Variants in PLEKHG1 observed in about 807,000 individuals in gnomAD.
PLEKHG1 encodes the protein pleckstrin homology and RhoGEF domain containing G1.
In PLEKHG1, 44 loss-of-function variants were observed where a neutral mutation model predicts 100.8. The observed-to-expected ratio is 0.44, with a 90% CI of 0.34 to 0.56. The LOEUF (loss-of-function observed/expected upper bound fraction) is 0.56. Among genes scored for constraint, PLEKHG1 ranks in the 20% least tolerant of loss-of-function variants. The pLI is 0.01. For synonymous variants in PLEKHG1, 640 were observed against 662.5 expected, an observed-to-expected ratio of 0.97 and a Z score of 0.52; for missense variants, 1,545 against 1,720.9, an observed-to-expected ratio of 0.90 and a Z score of 1.81.
At chr6:150,809,122 C>T (rs1376240313) in exon 8 of PLEKHG1, 4 of 1,613,756 alleles carry the variant, frequency 2.5e-6, no homozygotes, top group African/African-American at 2.7e-5. Flanking sequence ...AGAGTTTGCT[C>T]ACTAACTGGA....
chr6:150,825,559 G>A (rs1227312893), intron 14 of PLEKHG1, among the ~76,000 whole-genome samples: 1 of 151,980 alleles, frequency 6.6e-6, no homozygotes, highest in Non-Finnish European at 1.5e-5. Context: ...GCAACAGAGT[G>A]AGATTCTGTC....
chr6:150,823,614 T>C (rs200396851), intron 13 of PLEKHG1, 40 bp from the exon 15 acceptor site: 5 of 1,463,622 alleles, frequency 3.4e-6, no homozygotes, highest in Non-Finnish European at 4.8e-6. Flanking sequence ...AGGAGGTACA[T>C]TTTCATTCTC....
At chr6:150,747,019 T>G (rs1783201933) in intron 2 of PLEKHG1, among the ~76,000 whole-genome samples, 1 of 152,240 alleles carries the variant, frequency 6.6e-6, no homozygotes, top group Non-Finnish European at 1.5e-5. Flanking sequence ...TTCAGTTAAC[T>G]CAGGTGATTG....
At position 150,831,110 on chromosome 6, in the gene PLEKHG1, G is replaced by C; in HGVS notation, c.1999G>C (p.Glu667Gln). The change falls in exon 15 of 16, where the codon GAG becomes CAG. Residue 667 changes from glutamate (E) to glutamine (Q), a missense_variant. Physicochemically the swap from Glu to Gln is conservative, Grantham distance 29. Transcript: ENST00000358517. The surrounding 1 kb of genome is among the most constrained non-coding windows in gnomAD (Gnocchi z 4.1). Reference sequence around the variant, plus strand: ...CCATGTCTATGATAACATCAGTTATGAGGACTTAAAACTAATGGTTGCTAA... The same window carrying C: ...CCATGTCTATGATAACATCAGTTATCAGGACTTAAAACTAATGGTTGCTAA... 1 of 1,613,954 alleles carries C rather than the reference G, an allele frequency of 6.2e-7. No individual in the cohort carries two copies. The highest frequency in any genetic ancestry group is 8.5e-7 in the Non-Finnish European group (1 of 1,179,878).
chr6:150,808,226 CAAAA>C (rs201600504), intron 7 of PLEKHG1, among the ~76,000 whole-genome samples: 6 of 151,792 alleles, frequency 4.0e-5, no homozygotes, highest in Non-Finnish European at 5.9e-5. Context: ...AAAATTTTAA[CAAAA>C]AAAGCACTAA....
At chr6:150,631,689 G>T (rs1459863906) in intron 1 of PLEKHG1, among the ~76,000 whole-genome samples, 2 of 152,180 alleles carry the variant, frequency 1.3e-5, no homozygotes, top group African/African-American at 4.8e-5. Context: ...GGATTCGGGG[G>T]TTCCCCTTCC....
At chr6:150,827,741 G>A (rs1776694362) in intron 14 of PLEKHG1, 2 of 1,382,118 alleles carry the variant, frequency 1.4e-6, no homozygotes, top group South Asian at 1.2e-5. Flanking sequence ...GGAAAGAATT[G>A]GAAGAATTGG....
chr6:150,794,249 T>C (rs1299964887), intron 4 of PLEKHG1, among the ~76,000 whole-genome samples: 3 of 152,188 alleles, frequency 2.0e-5, no homozygotes, highest in Admixed American at 6.5e-5. Context: ...TCTGTGTGAT[T>C]GTTATTTGCA....
chr6:150,831,173 A>G lies in PLEKHG1; in HGVS notation c.2062A>G (p.Arg688Gly). ...TGAATCCACTCCCTCTAAATCAGCCAGGGACTCCGTTCGCCCCAAGAGCAC... is the reference window on the plus strand; with the variant it reads ...TGAATCCACTCCCTCTAAATCAGCCGGGGACTCCGTTCGCCCCAAGAGCAC... The change falls in exon 15 of 16, where the codon AGG (arginine) becomes GGG (glycine). Residue 688 changes from arginine (R) to glycine (G), a missense_variant. Arg to Gly is a moderately radical substitution (Grantham distance 125). Coordinates refer to ENST00000358517, the Ensembl canonical transcript of PLEKHG1. The surrounding 1 kb of genome is among the most constrained non-coding windows in gnomAD (Gnocchi z 4.1). 6.2e-7 allele frequency: 1 copy of G among 1,614,146 alleles called. No individual in the cohort carries two copies. Among genetic ancestry groups the G allele is most frequent in the Admixed American group, 1.7e-5 (1 of 60,024 alleles).
intron 2 of PLEKHG1, among the ~76,000 whole-genome samples, chr6:150,763,024 CTTTTTTTT>C (rs60462437): frequency 1.0e-4 from 8 of 76,530 alleles, no homozygotes; most frequent in Admixed American, 2.0e-4. Context: ...GATAAAGCTT[CTTTTTTTT>C]TTTTTTTTTT....
At chr6:150,642,259 C>T (rs1012187598) in intron 2 of PLEKHG1, among the ~76,000 whole-genome samples, 2 of 152,168 alleles carry the variant, frequency 1.3e-5, no homozygotes, top group Admixed American at 1.3e-4. Flanking sequence ...CTTGTTAACA[C>T]ATTCTGAATT....
chr6:150,707,190 A>G (rs1020186428), intron 3 of PLEKHG1, among the ~76,000 whole-genome samples: 2 of 150,746 alleles, frequency 1.3e-5, no homozygotes, highest in African/African-American at 4.9e-5. Context: ...TTTTTAGTAG[A>G]GACGGGTTTT....
At chr6:150,662,038 G>A (rs963802952) in intron 3 of PLEKHG1, among the ~76,000 whole-genome samples, 1 of 152,076 alleles carries the variant, frequency 6.6e-6, no homozygotes, top group Non-Finnish European at 1.5e-5. Flanking sequence ...AGGGAGAGGC[G>A]GATAGTTCAG....
At chr6:150,747,537 C>G (rs1356068579) in intron 2 of PLEKHG1, among the ~76,000 whole-genome samples, 3 of 152,176 alleles carry the variant, frequency 2.0e-5, no homozygotes, top group Non-Finnish European at 4.4e-5. Flanking sequence ...TTCTAGATAG[C>G]AGCTTTCATG....
chr6:150,827,929 A>G, intron 14 of PLEKHG1: 2 of 1,602,856 alleles, frequency 1.2e-6, no homozygotes, highest in Non-Finnish European at 1.7e-6. Context: ...AAACTGAAGA[A>G]TAAATCTGGA....
intron 2 of PLEKHG1, among the ~76,000 whole-genome samples, chr6:150,739,272 G>C (rs1201982667): frequency 1.3e-5 from 2 of 152,266 alleles, no homozygotes; most frequent in Middle Eastern, 3.4e-3. Flanking sequence ...AAAAGGGGCT[G>C]AATTGTTAAT....
intron 3 of PLEKHG1, among the ~76,000 whole-genome samples, chr6:150,668,220 C>T (rs772688071): frequency 1.3e-5 from 2 of 152,196 alleles, no homozygotes; most frequent in Non-Finnish European, 2.9e-5. Context: ...GCTGCCCTAC[C>T]TGTAACTTCT....
At chr6:150,840,251 C>G (rs752528882) in exon 16 of PLEKHG1, 2 of 1,614,146 alleles carry the variant, frequency 1.2e-6, no homozygotes, top group Admixed American at 3.3e-5. Context: ...GGAAAGGGAT[C>G]AGCGCTAAAT....
At chr6:150,672,756 C>A (rs1212035549) in intron 3 of PLEKHG1, among the ~76,000 whole-genome samples, 2 of 152,142 alleles carry the variant, frequency 1.3e-5, no homozygotes, top group Admixed American at 6.5e-5. Context: ...AGAAAGTGTA[C>A]CATTTATAGA....
Sources: gnomAD v4.1 joint callset for allele counts (sites outside exome capture counted in the v4.1 genomes callset) on GRCh38, gnomAD v4.1.1 for gene constraint, Gnocchi (gnomAD v3.1) non-coding constraint, MANE v1.5 for transcripts, NCBI Gene and HGNC (gene_info 2026-07-23, HGNC 2026-07-21) for gene names.